Variants in RIMBP2 observed in about 807,000 individuals in gnomAD.
RIMBP2 encodes the protein RIMS-binding protein 2.
RIMBP2 carries 48 observed loss-of-function variants against 118.6 expected under a neutral mutation model. That is an observed-to-expected ratio of 0.40 (90% confidence interval 0.32 to 0.51). The LOEUF is 0.51. Ranked by LOEUF, RIMBP2 falls within the 20% of genes least tolerant of loss-of-function variation. The probability of loss-of-function intolerance (pLI) is 0.41; values close to 1 mark genes in which losing one functional copy is unlikely to be tolerated. For missense variants in RIMBP2, 1,551 were observed against 1,768.3 expected (o/e 0.88, Z 2.20); for synonymous variants, 762 against 742.9 (o/e 1.03, Z -0.42).
intron 1 of RIMBP2, among the ~76,000 whole-genome samples, chr12:130,714,723 C>T (rs1211118226): frequency 2.0e-5 from 3 of 152,226 alleles, no homozygotes; most frequent in East Asian, 3.9e-4. Context: ...GGGTGCCCGC[C>T]GGCCTTCCCC....
At chr12:130,501,656 C>A (rs1013133112) in intron 4 of RIMBP2, among the ~76,000 whole-genome samples, 2 of 152,218 alleles carry the variant, frequency 1.3e-5, no homozygotes, top group African/African-American at 2.4e-5. Context: ...GTAATTAAAA[C>A]CTGGTTTAAA....
At chr12:130,477,822 A>G (rs2081571257) in intron 5 of RIMBP2, among the ~76,000 whole-genome samples, 1 of 152,222 alleles carries the variant, frequency 6.6e-6, no homozygotes, top group Non-Finnish European at 1.5e-5. Flanking sequence ...TCGAGGGGCC[A>G]CCTAGGGCAG....
intron 10 of RIMBP2, among the ~76,000 whole-genome samples, chr12:130,443,193 A>G (rs2078272795): frequency 6.6e-6 from 1 of 151,804 alleles, no homozygotes; most frequent in African/African-American, 2.4e-5. Flanking sequence ...AATGTGTCCA[A>G]TTTGATGTGA....
At chr12:130,587,074 A>G (rs1269912172) in intron 2 of RIMBP2, among the ~76,000 whole-genome samples, 3 of 137,664 alleles carry the variant, frequency 2.2e-5, no homozygotes, top group Non-Finnish European at 4.6e-5. Flanking sequence ...AAACACATGA[A>G]AAAATGCTCG....
At chr12:130,705,756 C>A (rs74983912) in intron 1 of RIMBP2, among the ~76,000 whole-genome samples, 3,487 of 152,336 alleles carry the variant, frequency 0.023, 72 homozygotes, top group Admixed American at 0.033. Flanking sequence ...ACAGACAGGG[C>A]AGGCCCAGTG....
intron 19 of RIMBP2, 67 bp from the exon 20 acceptor site, chr12:130,407,896 C>T: frequency 7.1e-7 from 1 of 1,417,014 alleles, no homozygotes; most frequent in Non-Finnish European, 1.0e-6. Flanking sequence ...GTGTTCCCCT[C>T]CTTCCGGGTC....
chr12:130,645,093 CTTTTT>C (rs61370338), intron 1 of RIMBP2, among the ~76,000 whole-genome samples: 5,903 of 143,704 alleles, frequency 0.041, 374 homozygotes, highest in African/African-American at 0.14. Context: ...CAAATCAGAA[CTTTTT>C]TTTTTTTTTT....
intron 21 of RIMBP2, among the ~76,000 whole-genome samples, chr12:130,402,585 C>T (rs1210095507): frequency 6.6e-6 from 1 of 152,194 alleles, no homozygotes; most frequent in African/African-American, 2.4e-5. Context: ...CCTTTCCCTC[C>T]TCAGTCCCTC....
chr12:130,455,434 G>A (rs548721281), intron 7 of RIMBP2, among the ~76,000 whole-genome samples: 1 of 152,364 alleles, frequency 6.6e-6, no homozygotes, highest in Non-Finnish European at 1.5e-5. Context: ...CCTAGGCAGG[G>A]CATGCAGCCT....
At chr12:130,461,066 G>T (rs569700103) in intron 6 of RIMBP2, among the ~76,000 whole-genome samples, 2 of 152,146 alleles carry the variant, frequency 1.3e-5, no homozygotes, top group Admixed American at 6.5e-5. Context: ...GGACCCATCC[G>T]CACGACCCAG....
At chr12:130,530,296 A>T (rs4759714) in intron 2 of RIMBP2, among the ~76,000 whole-genome samples, 112,899 of 151,524 alleles carry the variant, frequency 0.75, 42,177 homozygotes, top group East Asian at 0.84. Flanking sequence ...TTTTTTCTAT[A>T]TGTGATTTTG....
chr12:130,709,516 C>T (rs1338918230), intron 1 of RIMBP2, among the ~76,000 whole-genome samples: 1 of 152,220 alleles, frequency 6.6e-6, no homozygotes, highest in Non-Finnish European at 1.5e-5. Context: ...ACATGGAGCG[C>T]TTTACAGACC....
intron 2 of RIMBP2, among the ~76,000 whole-genome samples, chr12:130,571,250 G>C (rs933314618): frequency 3.3e-5 from 5 of 151,790 alleles, no homozygotes; most frequent in Non-Finnish European, 2.9e-5. Context: ...GGAAGTGGGA[G>C]GCCATGACAG....
At chr12:130,501,030 G>T (rs547317180) in intron 4 of RIMBP2, among the ~76,000 whole-genome samples, 6 of 152,258 alleles carry the variant, frequency 3.9e-5, no homozygotes, top group African/African-American at 1.4e-4. Context: ...TCTCCCACAC[G>T]TGGTGACGCC....
intron 6 of RIMBP2, among the ~76,000 whole-genome samples, chr12:130,464,141 C>G (rs1479379951): frequency 1.3e-5 from 2 of 152,076 alleles, no homozygotes; most frequent in Non-Finnish European, 2.9e-5. Flanking sequence ...GAAACAACCA[C>G]GAATAGCCCA....
intron 1 of RIMBP2, among the ~76,000 whole-genome samples, chr12:130,645,243 C>G (rs1043355749): frequency 6.6e-6 from 1 of 152,118 alleles, no homozygotes; most frequent in Non-Finnish European, 1.5e-5. Context: ...ACGGTGTGTC[C>G]ACCACGCCTG....
chr12:130,665,749 AACACAC>A (rs61043627), intron 1 of RIMBP2, among the ~76,000 whole-genome samples: 1 of 147,068 alleles, frequency 6.8e-6, no homozygotes, highest in African/African-American at 2.7e-5. Context: ...CTGGACCAGA[AACACAC>A]ACACACACAC....
chr12:130,499,458 C>T (rs1030470689), intron 4 of RIMBP2, among the ~76,000 whole-genome samples: 1 of 152,200 alleles, frequency 6.6e-6, no homozygotes, highest in Non-Finnish European at 1.5e-5. Flanking sequence ...CTAATGGCTT[C>T]CCATCTCGCT....
intron 1 of RIMBP2, among the ~76,000 whole-genome samples, chr12:130,635,964 C>T (rs2062324385): frequency 1.3e-5 from 2 of 152,144 alleles, no homozygotes; most frequent in African/African-American, 4.8e-5. Flanking sequence ...ATGTCCCTCC[C>T]CTGCCAAAGC....
Sources: gnomAD v4.1 joint callset for allele counts (sites outside exome capture counted in the v4.1 genomes callset) on GRCh38, gnomAD v4.1.1 for gene constraint, MANE v1.5 for transcripts, NCBI Gene and HGNC (gene_info 2026-07-23, HGNC 2026-07-21) for gene names.